RNF40: variants seen among roughly 807,000 people sequenced by gnomAD.
The protein encoded by RNF40 is ring finger protein 40.
A neutral mutation model predicts 123.3 loss-of-function variants in RNF40; 39 were observed. The observed-to-expected ratio is 0.32, with a 90% confidence interval of 0.24 to 0.41. The LOEUF (loss-of-function observed/expected upper bound fraction) is 0.41, where lower values mean the gene tolerates loss of function less well. RNF40 is among the 10% of genes least tolerant of loss of function. The pLI is 1.00. For missense variants in RNF40, 1,003 were observed against 1,319.9 expected (o/e 0.76, Z 3.72); for synonymous variants, 538 against 526.0 (o/e 1.02, Z -0.31).
At chr16:30,764,430 G>A in intron 5 of RNF40, 45 bp downstream of exon 5, 1 of 1,508,592 alleles carries the variant, frequency 6.6e-7, no homozygotes. Flanking sequence ...ATCCCCACCT[G>A]CATCTTGATG....
intron 17 of RNF40, 68 bp from the exon 18 acceptor site, chr16:30,771,765 G>A: frequency 6.7e-7 from 1 of 1,490,368 alleles, no homozygotes; most frequent in South Asian, 1.3e-5. Context: ...GCATTGGTGG[G>A]CCGTGACTCC....
rs2054214790 is a variant in RNF40 at position 30,775,352 on chromosome 16, G to C, written c.*1238G>C. 3.5e-6 allele frequency: 1 copy of C among 287,088 alleles called. No individual in the cohort carries two copies. The highest frequency in any genetic ancestry group is 6.8e-6 in the Non-Finnish European group (1 of 146,738). 17.8% of individuals were successfully genotyped at this position (287,088 alleles called of 1,614,324 possible). Reference sequence around the variant, plus strand: ...AAGGGGAGAGCGTGGTGGTCGTCGCGGAGCCGCCTGTCCTGCTCCCACCGA... The same window carrying C: ...AAGGGGAGAGCGTGGTGGTCGTCGCCGAGCCGCCTGTCCTGCTCCCACCGA... On this transcript the variant is annotated 3_prime_UTR_variant, in exon 20 of 20. Transcript: ENST00000324685.
At chr16:30,767,820 C>CT in intron 11 of RNF40, 74 bp from the exon 12 acceptor site, 1 of 1,602,162 alleles carries the variant, frequency 6.2e-7, no homozygotes, top group Non-Finnish European at 8.5e-7. Flanking sequence ...GGCATAGCCT[C>CT]TTACCCCACT....
At position 30,774,303 on chromosome 16, in the gene RNF40, T is replaced by C. The variant is rs1004051960; in HGVS notation, c.*189T>C. On this transcript the variant is annotated 3_prime_UTR_variant, in exon 20 of 20. Transcript: ENST00000324685. Reference sequence around the variant, plus strand: ...GGGATCAGCCAAGCTTCGTTCCATCTTTTCCTAAAGGTCAGAGCTGCAGCC... The same window carrying C: ...GGGATCAGCCAAGCTTCGTTCCATCCTTTCCTAAAGGTCAGAGCTGCAGCC... 1 of 603,986 alleles carries C rather than the reference T, an allele frequency of 1.7e-6. No individual in the cohort carries two copies. The highest frequency in any genetic ancestry group is 2.8e-6 in the Non-Finnish European group (1 of 353,738). The allele number at this position is 603,986 out of a possible 1,614,324, so 37.4% of individuals were successfully genotyped here.
intron 2 of RNF40, 89 bp downstream of exon 2, chr16:30,762,766 C>T (rs1242111255): frequency 2.6e-6 from 4 of 1,530,632 alleles, no homozygotes; most frequent in Admixed American, 2.2e-5. Flanking sequence ...ACACCCACTT[C>T]CCCAAGTTTA....
In RNF40 at chr16:30,774,784, A is replaced by G. The variant is rs1487687500; in HGVS notation, c.*670A>G. The G allele has an allele frequency of 3.1e-5, 11 of 357,012 alleles. No homozygotes were observed. Among genetic ancestry groups the G allele is most frequent in the Admixed American group, 3.0e-4 (8 of 26,270 alleles). 22.1% of individuals were successfully genotyped at this position (357,012 alleles called of 1,614,324 possible). On this transcript the variant is annotated 3_prime_UTR_variant, in exon 20 of 20. Transcript: ENST00000324685. ...TGCTGAACCAACATCATCAGTTTCT[A>G]TTCTAATCAGGCCCCTTCCCAATCT...
In RNF40 at chr16:30,772,079, C is replaced by T. The variant is rs980983367; in HGVS notation, c.2728-10C>T. 4 of 1,566,682 alleles carry T rather than the reference C, an allele frequency of 2.6e-6. No individual in the cohort carries two copies. Among genetic ancestry groups the T allele is most frequent in the Non-Finnish European group, 3.5e-6 (4 of 1,155,636 alleles). ...GACCCTTGCCCTTAGCCAGGCCTCTCCTGCCCCAGGAGGACATCTCACGGC... is the reference window on the plus strand; with the variant it reads ...GACCCTTGCCCTTAGCCAGGCCTCTTCTGCCCCAGGAGGACATCTCACGGC... On this transcript the variant is annotated splice_polypyrimidine_tract_variant and intron_variant, in intron 18 of 19. Coordinates refer to ENST00000324685, the MANE Select transcript of RNF40 (RefSeq NM_014771.4).
intron 2 of RNF40, 66 bp from the exon 3 acceptor site, chr16:30,763,052 T>A: frequency 6.3e-7 from 1 of 1,576,854 alleles, no homozygotes; most frequent in Non-Finnish European, 8.7e-7. Context: ...CTCCTCTTTC[T>A]CTCTCTGTGA....
Position 30,774,170 on chromosome 16 carries a change from C to A in RNF40, c.*56C>A. ...TGGACCCTGGGGGCTGTGCCCCCATCTCCTCCCCACCCCAGGTCTAGTGGC... is the reference window on the plus strand; with the variant it reads ...TGGACCCTGGGGGCTGTGCCCCCATATCCTCCCCACCCCAGGTCTAGTGGC... On this transcript the variant is annotated 3_prime_UTR_variant, in exon 20 of 20. Transcript: ENST00000324685. 1 of 1,503,802 alleles carries A rather than the reference C, an allele frequency of 6.6e-7. No individual in the cohort carries two copies. Among genetic ancestry groups the A allele is most frequent in the Admixed American group, 2.0e-5 (1 of 50,166 alleles). The allele number at this position is 1,503,802 out of a possible 1,614,324, so 93.2% of individuals were successfully genotyped here. A position where few individuals can be genotyped will look rare whatever the true frequency, so the allele number is the denominator to read the frequency against.
intron 19 of RNF40, 54 bp from the exon 20 acceptor site, chr16:30,773,884 G>A: frequency 6.4e-7 from 1 of 1,557,510 alleles, no homozygotes; most frequent in South Asian, 1.2e-5. Context: ...CTGTCAGCTT[G>A]GGGTCTGGGC....
At chr16:30,761,656 A>C (rs1477885972), upstream of RNF40, 3 of 1,535,848 alleles carry the variant, frequency 2.0e-6, no homozygotes, top group Admixed American at 5.9e-5. Context: ...CTGAGCTGCG[A>C]TCCTTCCCCG....
At chr16:30,765,930 A>G (rs2054022360) in intron 8 of RNF40, among the ~76,000 whole-genome samples, 1 of 152,140 alleles carries the variant, frequency 6.6e-6, no homozygotes, top group Non-Finnish European at 1.5e-5. Context: ...CCTTTCTGGA[A>G]TGCCTTCCGT....
At position 30,768,696 on chromosome 16, in the gene RNF40, A is replaced by C; in HGVS notation, c.2057A>C (p.Lys686Thr). Residue 686 changes from lysine (K) to threonine (T), a missense_variant, in exon 14 of 20, where the codon AAG (lysine) becomes ACG (threonine). This residue lies in a region of RNF40 where 295 missense variants were observed against 331.7 expected (regional missense o/e 0.89). Coordinates refer to ENST00000324685, the MANE Select transcript of RNF40 (RefSeq NM_014771.4). The surrounding 1 kb of genome is among the most constrained non-coding windows in gnomAD (Gnocchi z 4.1). ...TCAGCGCCCAAGGAGCAGCGGGATA[A>C]GGTGCAGCTCATGGCAGCGGAACGC... ...YKSAPKEQRD[K>T]VQLMAAERKA... 6.2e-7 allele frequency: 1 copy of C among 1,614,142 alleles called. No homozygotes were observed. The highest frequency in any genetic ancestry group is 8.5e-7 in the Non-Finnish European group (1 of 1,180,044).
At position 30,763,565 on chromosome 16, in the gene RNF40, A is replaced by T; in HGVS notation, c.442+6A>T. On this transcript the variant is annotated splice_donor_region_variant and intron_variant, in intron 4 of 19. Coordinates refer to ENST00000324685, the MANE Select transcript of RNF40 (RefSeq NM_014771.4). ...GGGGACATCAGAGCTGAGAGGTAGG[A>T]CCAGAGTGCTGGGATCTGGGGAGCT... The T allele has an allele frequency of 6.2e-7, 1 of 1,613,922 alleles. No individual in the cohort carries two copies. The highest frequency in any genetic ancestry group is 8.5e-7 in the Non-Finnish European group (1 of 1,179,982).
Position 30,769,596 on chromosome 16 carries a change from G to A in RNF40, c.2582G>A (p.Arg861Gln), listed in dbSNP as rs1946872390. Reference protein sequence around the residue: ...LRSQALELNKRKAVEAAQLAE... With the variant: ...LRSQALELNKQKAVEAAQLAE... Reference sequence around the variant, plus strand: ...AGCCAAGCCCTGGAGCTCAACAAGCGGAAGGTGAGGCTGGGCCAGGGGGAC... The same window carrying A: ...AGCCAAGCCCTGGAGCTCAACAAGCAGAAGGTGAGGCTGGGCCAGGGGGAC... The change falls in exon 17 of 20, where the codon CGG (arginine) becomes CAG (glutamine). Residue 861 changes from arginine (R) to glutamine (Q), a missense_variant. Arg to Gln is a conservative substitution (Grantham distance 43, BLOSUM62 1). Around this residue, in one of 11 missense-constraint regions of RNF40, gnomAD observed 121 missense variants for 125.3 expected, o/e 0.97. Transcript: ENST00000324685. 3.8e-6 allele frequency: 6 copies of A among 1,574,234 alleles called. No homozygotes were observed. Among genetic ancestry groups the A allele is most frequent in the East Asian group, 2.3e-5 (1 of 43,388 alleles).
chr16:30,774,603 C>T lies in RNF40; in HGVS notation c.*489C>T, dbSNP rs528791810. ...TTTCCTTCACCCACCATCCCCCTAACCTCGGCAGGGCTTCTGTCCTGTGGA... is the reference window on the plus strand; with the variant it reads ...TTTCCTTCACCCACCATCCCCCTAATCTCGGCAGGGCTTCTGTCCTGTGGA... On this transcript the variant is annotated 3_prime_UTR_variant, in exon 20 of 20. Coordinates refer to ENST00000324685, the MANE Select transcript of RNF40 (RefSeq NM_014771.4). 1.3e-5 allele frequency: 3 copies of T among 229,078 alleles called. No homozygotes were observed. Among genetic ancestry groups the T allele is most frequent in the Admixed American group, 5.2e-5 (1 of 19,176 alleles). The allele number at this position is 229,078 out of a possible 1,614,324, so 14.2% of individuals were successfully genotyped here. A position where few individuals can be genotyped will look rare whatever the true frequency, so the allele number is the denominator to read the frequency against.
In RNF40 at chr16:30,763,400, G is replaced by C. The variant is rs777937234; in HGVS notation, c.301-18G>C. ...GCACTAAGGGATTCATAACATTTTTGATGTTTTCTCCTTCCAGCTGGATGA... is the reference window on the plus strand; with the variant it reads ...GCACTAAGGGATTCATAACATTTTTCATGTTTTCTCCTTCCAGCTGGATGA... On this transcript the variant is annotated intron_variant, in intron 3 of 19. Coordinates refer to ENST00000324685, the MANE Select transcript of RNF40 (RefSeq NM_014771.4). The C allele has an allele frequency of 3.1e-6, 5 of 1,597,832 alleles. No individual in the cohort carries two copies. The highest frequency in any genetic ancestry group is 3.5e-5 in the Admixed American group (2 of 57,586).
Position 30,769,308 on chromosome 16 carries a change from G to A in RNF40, c.2370G>A (p.Met790Ile). Residue 790 changes from methionine (M) to isoleucine (I), a missense_variant, in exon 16 of 20, where the codon ATG becomes ATA. Transcript: ENST00000324685. The stretch of plus-strand genomic sequence containing the variant: ...AGGATGATGCCAACTTTAAGCTAAT[G>A]TCAGAGCGGATCAAGGCCAACCAGA... ...REKDDANFKL[M>I]SERIKANQIH... 6.2e-7 allele frequency: 1 copy of A among 1,614,242 alleles called. No homozygotes were observed. The highest frequency in any genetic ancestry group is 8.5e-7 in the Non-Finnish European group (1 of 1,180,040).
rs1444195027 is a variant in RNF40, at chr16:30,766,373, C to A, written c.1114-6C>A. On this transcript the variant is annotated splice_region_variant and splice_polypyrimidine_tract_variant and intron_variant, in intron 9 of 19. Coordinates refer to ENST00000324685, the MANE Select transcript of RNF40 (RefSeq NM_014771.4). This position sits in a 1 kb window ranked among gnomAD's most constrained non-coding sequence, Gnocchi z 5.4. Reference sequence around the variant, plus strand: ...TGCTGATCCCATTTGGGCATCCCTGCCCCAGGTGGCCCTGCGGAGCCTTCC... The same window carrying A: ...TGCTGATCCCATTTGGGCATCCCTGACCCAGGTGGCCCTGCGGAGCCTTCC... 6.2e-7 allele frequency: 1 copy of A among 1,612,298 alleles called. No individual in the cohort carries two copies. The highest frequency in any genetic ancestry group is 8.5e-7 in the Non-Finnish European group (1 of 1,178,688).
Sources: gnomAD v4.1 joint callset for allele counts (sites outside exome capture counted in the v4.1 genomes callset) on GRCh38, gnomAD v4.1.1 for gene constraint, gnomAD v4.1.1 regional missense constraint, Gnocchi (gnomAD v3.1) non-coding constraint, MANE v1.5 for transcripts, NCBI Gene and HGNC (gene_info 2026-07-23, HGNC 2026-07-21) for gene names.